Variants in FGF12 observed in about 807,000 individuals in gnomAD.
FGF12 encodes fibroblast growth factor 12B.
In FGF12, 14 loss-of-function variants were observed where a neutral mutation model predicts 23.6. That is an observed-to-expected ratio of 0.59 (90% CI 0.39 to 0.93). The LOEUF is 0.93. FGF12 is among the 40% of genes least tolerant of loss of function. The pLI is 0.00. For missense variants in FGF12, 175 were observed against 217.8 expected, an observed-to-expected ratio of 0.80 and a Z score of 1.24; for synonymous variants, 62 against 77.3, an observed-to-expected ratio of 0.80 and a Z score of 1.04.
chr3:192,256,964 C>A (rs1445142241), intron 4 of FGF12, among the ~76,000 whole-genome samples: 1 of 152,098 alleles, frequency 6.6e-6, no homozygotes, highest in East Asian at 1.9e-4. Flanking sequence ...TTGTGCTCCT[C>A]AGAAAACCTC....
intron 2 of FGF12, among the ~76,000 whole-genome samples, chr3:192,376,622 A>G (rs745438465): frequency 2.6e-5 from 4 of 152,238 alleles, no homozygotes; most frequent in Middle Eastern, 3.4e-3. Flanking sequence ...TTGGCCTCCC[A>G]AAGTGCTGGG....
intron 4 of FGF12, among the ~76,000 whole-genome samples, chr3:192,232,925 T>C (rs1250411851): frequency 6.6e-6 from 1 of 152,196 alleles, no homozygotes; most frequent in Admixed American, 6.5e-5. Flanking sequence ...GACGTACATG[T>C]GCCATGTTTT....
intron 2 of FGF12, among the ~76,000 whole-genome samples, chr3:192,391,921 T>A (rs1199570917): frequency 6.6e-6 from 1 of 152,040 alleles, no homozygotes. Flanking sequence ...GATTGAGGAG[T>A]GGGAGAGAGG....
chr3:192,148,249 C>A (rs1293516518), intron 5 of FGF12, among the ~76,000 whole-genome samples: 1 of 152,136 alleles, frequency 6.6e-6, no homozygotes, highest in Admixed American at 6.6e-5. Flanking sequence ...TATAATGTGG[C>A]CTATACATAT....
At chr3:192,727,409 G>C in intron 1 of FGF12, 75 bp downstream of exon 1, 2 of 1,388,164 alleles carry the variant, frequency 1.4e-6, no homozygotes, top group African/African-American at 2.9e-5. Context: ...CTCTACAGGG[G>C]ATACGTTGCG....
In FGF12 at chr3:192,180,539, G is replaced by C. The variant is rs114738167; in HGVS notation, c.229-9883C>G. On this transcript the variant is annotated intron_variant, in intron 4 of 5. Coordinates refer to ENST00000445105, the MANE Select transcript of FGF12 (RefSeq NM_004113.6). ...CTCAGCCTCTGTCTTCCTTTCTTGG[G>C]ATAAGGATGAAAGTAGGGATGTTGT... Among the ~76,000 whole-genome samples the C allele has an allele frequency of 5.4e-3, 829 of 152,282 alleles. 7 individuals carry two copies. The highest frequency in any genetic ancestry group is 0.019 in the African/African-American group (806 of 41,532).
intron 4 of FGF12, among the ~76,000 whole-genome samples, chr3:192,194,928 G>C (rs935972702): frequency 1.3e-5 from 2 of 152,132 alleles, no homozygotes; most frequent in African/African-American, 4.8e-5. Context: ...TACCTGCTTT[G>C]GGTCAGATAT....
intron 2 of FGF12, among the ~76,000 whole-genome samples, chr3:192,440,605 G>A (rs147855456): frequency 6.6e-5 from 10 of 152,216 alleles, no homozygotes; most frequent in African/African-American, 1.9e-4. Flanking sequence ...CTAACCCTCC[G>A]CTTTTTCCTA....
At chr3:192,178,309 G>T (rs1715970788) in intron 4 of FGF12, among the ~76,000 whole-genome samples, 1 of 151,858 alleles carries the variant, frequency 6.6e-6, no homozygotes, top group Admixed American at 6.6e-5. Context: ...AAGAAATGGT[G>T]GTAATATATT....
chr3:192,584,217 C>A (rs550201232), intron 2 of FGF12, among the ~76,000 whole-genome samples: 1 of 152,266 alleles, frequency 6.6e-6, no homozygotes, highest in East Asian at 1.9e-4. Context: ...CCTTTGAAAT[C>A]TCTGGGCATT....
rs541602823 is a variant in FGF12 at position 192,183,275 on chromosome 3, A to G, written c.229-12619T>C. ...GGCTGAGATCTGACATCATATCCTT[A>G]GCAGAGCTAGAAACGCACATCTCAC... is the stretch of plus-strand genomic sequence containing the variant. On this transcript the variant is annotated intron_variant, in intron 4 of 5. Transcript: ENST00000445105. 2.4e-3 allele frequency among the ~76,000 whole-genome samples: 360 copies of G among 152,238 alleles called. 3 individuals carry two copies. The highest frequency in any genetic ancestry group is 8.4e-3 in the African/African-American group (348 of 41,522).
chr3:192,596,655 CTAG>C (rs1423943246), intron 2 of FGF12, among the ~76,000 whole-genome samples: 3 of 152,142 alleles, frequency 2.0e-5, no homozygotes, highest in Non-Finnish European at 4.4e-5. Flanking sequence ...ACAATGAAAA[CTAG>C]ATTAAAAATG....
At chr3:192,257,388 C>A (rs761139920) in intron 4 of FGF12, among the ~76,000 whole-genome samples, 1 of 152,118 alleles carries the variant, frequency 6.6e-6, no homozygotes, top group South Asian at 2.1e-4. Flanking sequence ...ATATCAACAT[C>A]AGAGAGTGGC....
chr3:192,397,394 G>A (rs1720570734), intron 2 of FGF12, among the ~76,000 whole-genome samples: 1 of 152,188 alleles, frequency 6.6e-6, no homozygotes, highest in South Asian at 2.1e-4. Flanking sequence ...GACTACAGAG[G>A]ATGTCTGGGT....
intron 4 of FGF12, among the ~76,000 whole-genome samples, chr3:192,206,008 G>A (rs1295441561): frequency 1.3e-5 from 2 of 152,214 alleles, no homozygotes; most frequent in African/African-American, 4.8e-5. Context: ...TCCTCACCAA[G>A]AGAAGGTCAC....
intron 4 of FGF12, among the ~76,000 whole-genome samples, chr3:192,316,795 C>T (rs1716248563): frequency 6.6e-6 from 1 of 152,196 alleles, no homozygotes. Context: ...TCACCCCTCC[C>T]CCAACCCCAG....
intron 2 of FGF12, among the ~76,000 whole-genome samples, chr3:192,628,510 A>G (rs1419409291): frequency 1.8e-5 from 1 of 56,394 alleles, no homozygotes; most frequent in African/African-American, 1.1e-4. Context: ...TATATATATT[A>G]GTGTGTGTGT....
intron 5 of FGF12, among the ~76,000 whole-genome samples, chr3:192,161,731 G>A (rs1577189763): frequency 6.6e-6 from 1 of 152,040 alleles, no homozygotes; most frequent in East Asian, 1.9e-4. Flanking sequence ...ATGATACTTT[G>A]GTTCAGAAAG....
chr3:192,410,788 TCAA>T (rs1721175534), intron 2 of FGF12, among the ~76,000 whole-genome samples: 1 of 152,028 alleles, frequency 6.6e-6, no homozygotes, highest in African/African-American at 2.4e-5. Flanking sequence ...ACAAGGACAG[TCAA>T]CAACAAGCTG....
Sources: allele counts gnomAD v4.1 joint callset (sites outside exome capture counted in the v4.1 genomes callset), GRCh38; gene constraint gnomAD v4.1.1; transcripts MANE v1.5; gene names NCBI Gene and HGNC (gene_info 2026-07-23, HGNC 2026-07-21).